Variants in NINJ2 observed in about 807,000 individuals in gnomAD.
NINJ2 encodes the protein ninjurin 2, also known as ninjurin-2.
A neutral mutation model predicts 11.7 loss-of-function variants in NINJ2; 12 were observed. The ratio of observed to expected loss-of-function variants is 1.02; its 90% CI spans 0.66 to 1.66. The LOEUF (loss-of-function observed/expected upper bound fraction) is 1.66, where lower values mean the gene tolerates loss of function less well. NINJ2 is among the 40% of genes most tolerant of loss of function. The pLI, the probability that NINJ2 is intolerant of heterozygous loss-of-function variation, is 0.00. For missense variants in NINJ2, 187 were observed against 181.8 expected, an observed-to-expected ratio of 1.03 and a Z score of -0.16; for synonymous variants, 93 against 76.8, an observed-to-expected ratio of 1.21 and a Z score of -1.10.
At chr12:587,391 T>C (rs1052063297) in intron 1 of NINJ2, among the ~76,000 whole-genome samples, 1 of 152,176 alleles carries the variant, frequency 6.6e-6, no homozygotes, top group Non-Finnish European at 1.5e-5. Context: ...GCCCCAAAGG[T>C]GTCCACTTTT....
intron 1 of NINJ2, among the ~76,000 whole-genome samples, chr12:607,912 G>A (rs1312573245): frequency 6.6e-6 from 1 of 152,174 alleles, no homozygotes; most frequent in African/African-American, 2.4e-5. Flanking sequence ...TAGTTTTCCT[G>A]GCTCCAGTCC....
intron 1 of NINJ2, among the ~76,000 whole-genome samples, chr12:627,462 C>A (rs1409598667): frequency 2.0e-5 from 3 of 152,140 alleles, no homozygotes; most frequent in Admixed American, 2.0e-4. Flanking sequence ...GTCAGCTGGG[C>A]AATCAGAGAA....
intron 1 of NINJ2, among the ~76,000 whole-genome samples, chr12:583,938 C>T (rs1324134159): frequency 6.6e-6 from 1 of 152,132 alleles, no homozygotes; most frequent in Non-Finnish European, 1.5e-5. Context: ...ATACTTAGAT[C>T]AATCTGATAG....
At chr12:649,484 AT>A (rs1937753207) in intron 1 of NINJ2, among the ~76,000 whole-genome samples, 2 of 146,856 alleles carry the variant, frequency 1.4e-5, no homozygotes, top group South Asian at 4.3e-4. Context: ...TAAACTGTTT[AT>A]TTTTTATGGT....
At chr12:657,758 G>C (rs941580657) in intron 1 of NINJ2, among the ~76,000 whole-genome samples, 1 of 152,156 alleles carries the variant, frequency 6.6e-6, no homozygotes, top group African/African-American at 2.4e-5. Flanking sequence ...TCACTGCACA[G>C]CTACTAGAAT....
intron 1 of NINJ2, among the ~76,000 whole-genome samples, chr12:627,861 G>A (rs1948226758): frequency 6.6e-6 from 1 of 152,238 alleles, no homozygotes; most frequent in African/African-American, 2.4e-5. Context: ...GGAGAACCCG[G>A]GAAGTGGAGG....
At chr12:575,272 G>T (rs1947439455) in intron 1 of NINJ2, among the ~76,000 whole-genome samples, 1 of 152,118 alleles carries the variant, frequency 6.6e-6, no homozygotes, top group Non-Finnish European at 1.5e-5. Context: ...TCTCTCCTGG[G>T]GCCCCCACCC....
intron 1 of NINJ2, among the ~76,000 whole-genome samples, chr12:588,465 C>T (rs1947673893): frequency 6.6e-6 from 1 of 152,170 alleles, no homozygotes; most frequent in Non-Finnish European, 1.5e-5. Flanking sequence ...ATGTCAAACC[C>T]TGCACAGAAC....
rs1947716865 is a variant in NINJ2, at chr12:591,672, G to A, written c.34-25494C>T. 6.6e-6 allele frequency among the ~76,000 whole-genome samples: 1 copy of A among 152,198 alleles called. No individual in the cohort carries two copies. On this transcript the variant is annotated intron_variant, in intron 1 of 3. Transcript: ENST00000305108. The surrounding 1 kb of genome is among the most constrained non-coding windows in gnomAD (Gnocchi z 5.0). ...GTGAACAGATGTCACGGAGGGAGCA[G>A]TGCAGTGTCACCAGTCTGGCTTCTC... is the stretch of plus-strand genomic sequence containing the variant.
intron 1 of NINJ2, among the ~76,000 whole-genome samples, chr12:642,203 A>C (rs1488515364): frequency 1.3e-5 from 2 of 152,218 alleles, no homozygotes; most frequent in East Asian, 3.8e-4. Context: ...AGGAAAAAAA[A>C]GTCTATGCAA....
chr12:624,377 A>T (rs1428093602), intron 1 of NINJ2, among the ~76,000 whole-genome samples: 2 of 152,232 alleles, frequency 1.3e-5, no homozygotes, highest in Admixed American at 6.5e-5. Flanking sequence ...GTGTATGGGG[A>T]TACAGAAAAA....
rs750574535 is a variant in NINJ2, at chr12:565,095, C to T, written c.*18+122G>A. On this transcript the variant is annotated intron_variant, in intron 3 of 3. Transcript: ENST00000305108. ...CTCTTGCAGATCCTCTCCTTGCTCT[C>T]GGAGCTACAGGCCTTCCCCCTTTGT... 5.4e-5 allele frequency: 41 copies of T among 762,294 alleles called. 1 individual carries two copies. Among genetic ancestry groups the T allele is most frequent in the African/African-American group, 1.1e-4 (6 of 56,752 alleles). The allele number at this position is 762,294 out of a possible 1,614,324, so 47.2% of individuals were successfully genotyped here.
intron 1 of NINJ2, among the ~76,000 whole-genome samples, chr12:607,801 G>A (rs143751273): frequency 1.3e-5 from 2 of 152,200 alleles, no homozygotes; most frequent in African/African-American, 4.8e-5. Context: ...AGGACTGGGG[G>A]TGGAAGGGGA....
chr12:650,699 T>C (rs1937774567), intron 1 of NINJ2, among the ~76,000 whole-genome samples: 1 of 152,180 alleles, frequency 6.6e-6, no homozygotes, highest in Non-Finnish European at 1.5e-5. Flanking sequence ...ACTCAGTCTG[T>C]ATAGGGATAT....
intron 1 of NINJ2, among the ~76,000 whole-genome samples, chr12:611,259 T>C (rs201257499): frequency 0.28 from 9,427 of 33,888 alleles, 424 homozygotes; most frequent in Middle Eastern, 0.47. Context: ...CTCTCTCTCT[T>C]TCTTTCTTTC....
chr12:654,377 C>A (rs1037306912), intron 1 of NINJ2, among the ~76,000 whole-genome samples: 1 of 151,146 alleles, frequency 6.6e-6, no homozygotes, highest in African/African-American at 2.4e-5. Context: ...AAAAATTAGC[C>A]GGGCATGGTG....
chr12:574,939 G>T (rs1230415996), intron 1 of NINJ2, among the ~76,000 whole-genome samples: 1 of 152,236 alleles, frequency 6.6e-6, no homozygotes, highest in East Asian at 1.9e-4. Context: ...GGGTGAATGT[G>T]CTTTGAAAGC....
rs149908221 is a variant in NINJ2, at chr12:617,819, T to C, written c.33+45509A>G. ...GGGCCCTGCCTCCTAAGAAGGGGCCTCTCCCTCACAGGTCAGTCTGAAGTC... is the reference window on the plus strand; with the variant it reads ...GGGCCCTGCCTCCTAAGAAGGGGCCCCTCCCTCACAGGTCAGTCTGAAGTC... On this transcript the variant is annotated intron_variant, in intron 1 of 3. Transcript: ENST00000305108. 5.9e-3 allele frequency among the ~76,000 whole-genome samples: 900 copies of C among 152,234 alleles called. 2 individuals carry two copies. The highest frequency in any genetic ancestry group is 9.2e-3 in the Non-Finnish European group (625 of 68,002).
intron 1 of NINJ2, 116 bp from the exon 2 acceptor site, chr12:566,294 G>A (rs1406433751): frequency 9.0e-6 from 7 of 777,450 alleles, no homozygotes; most frequent in South Asian, 1.7e-5. Flanking sequence ...GAAGCTCAGG[G>A]CAAATGACAC....
Sources: allele counts gnomAD v4.1 joint callset (sites outside exome capture counted in the v4.1 genomes callset), GRCh38; gene constraint gnomAD v4.1.1; non-coding constraint Gnocchi (gnomAD v3.1); transcripts MANE v1.5; gene names NCBI Gene and HGNC (gene_info 2026-07-23, HGNC 2026-07-21).